HAT1: variants seen among roughly 807,000 people sequenced by gnomAD.
HAT1 encodes the protein histone acetyltransferase 1.
Under a neutral mutation model 56.6 loss-of-function variants are expected in HAT1, and 20 were observed. The observed-to-expected ratio is 0.35, with a 90% CI of 0.25 to 0.51. The LOEUF (loss-of-function observed/expected upper bound fraction) is 0.51. HAT1 is among the 20% of genes least tolerant of loss of function. The pLI is 0.95. For synonymous variants in HAT1, 146 were observed against 165.5 expected (o/e 0.88, Z 0.91); for missense variants, 408 against 504.3 (o/e 0.81, Z 1.83).
chr2:171,974,381 T>C (rs1470683195), intron 8 of HAT1, among the ~76,000 whole-genome samples: 4 of 152,142 alleles, frequency 2.6e-5, no homozygotes, highest in African/African-American at 9.7e-5. Context: ...TTTTGGATCA[T>C]TGATTGTTTT....
At chr2:171,977,554 T>A (rs1197661618) in intron 9 of HAT1, among the ~76,000 whole-genome samples, 20 of 20,584 alleles carry the variant, frequency 9.7e-4, no homozygotes, top group African/African-American at 4.8e-3. Flanking sequence ...TATATATATA[T>A]ATATTTTTTT....
chr2:171,976,277 T>C lies in HAT1; in HGVS notation c.944T>C (p.Ile315Thr). Residue 315 changes from isoleucine to threonine, a missense_variant, in exon 9 of 11, where the codon ATA (isoleucine) becomes ACA (threonine). By Grantham distance (89) the Ile-to-Thr change is moderately conservative (BLOSUM62 -1). Coordinates refer to ENST00000264108, the MANE Select transcript of HAT1 (RefSeq NM_003642.4). The part of the protein sequence containing the change: ...LMQGFNEDMV[I>T]EAQQKFKINK... ...CAAGGATTCAATGAAGATATGGTGA[T>C]AGAGGCACAACAGAAGTTCAAAATA... The C allele has an allele frequency of 1.9e-6, 3 of 1,585,204 alleles. No homozygotes were observed. The highest frequency in any genetic ancestry group is 1.3e-5 in the African/African-American group (1 of 74,372).
chr2:171,952,400 A>G (rs1458259162), intron 3 of HAT1, among the ~76,000 whole-genome samples: 2 of 152,222 alleles, frequency 1.3e-5, no homozygotes, highest in African/African-American at 4.8e-5. Context: ...TTCATAGAGC[A>G]GTTTACATGT....
intron 5 of HAT1, 109 bp downstream of exon 5, chr2:171,965,626 G>T: frequency 1.0e-6 from 1 of 982,060 alleles, no homozygotes; most frequent in Non-Finnish European, 1.5e-6. Context: ...GTTTTAATCA[G>T]CATTATAAAC....
At chr2:171,923,221 C>T (rs1225312975) in intron 1 of HAT1, 1 of 152,146 alleles carries the variant, frequency 6.6e-6, no homozygotes, top group Non-Finnish European at 1.5e-5. Flanking sequence ...TGTATTAAGG[C>T]TGTTTTGGTG....
At chr2:171,942,130 C>G (rs1312156153) in intron 2 of HAT1, among the ~76,000 whole-genome samples, 1 of 152,200 alleles carries the variant, frequency 6.6e-6, no homozygotes, top group African/African-American at 2.4e-5. Context: ...GTCTTGAACT[C>G]CTGACCTCAG....
intron 2 of HAT1, among the ~76,000 whole-genome samples, chr2:171,945,685 T>C (rs1687145155): frequency 6.6e-6 from 1 of 151,796 alleles, no homozygotes; most frequent in African/African-American, 2.4e-5. Context: ...ATTTATTTTT[T>C]TGAGAGAGAG....
chr2:171,982,281 T>C (rs1688151298), intron 10 of HAT1, among the ~76,000 whole-genome samples: 1 of 152,184 alleles, frequency 6.6e-6, no homozygotes, highest in Non-Finnish European at 1.5e-5. Context: ...GGTGGATCAC[T>C]TGGGCCCAGG....
intron 3 of HAT1, among the ~76,000 whole-genome samples, chr2:171,947,899 G>T (rs1200933175): frequency 6.6e-6 from 1 of 151,914 alleles, no homozygotes; most frequent in African/African-American, 2.4e-5. Context: ...ACAAAATAAA[G>T]ATATGTCCCA....
chr2:171,966,362 G>C (rs542668305), intron 6 of HAT1, 47 bp from the exon 7 acceptor site: 8 of 931,546 alleles, frequency 8.6e-6, no homozygotes, highest in Non-Finnish European at 1.4e-5. Flanking sequence ...ACACTGCATG[G>C]GAGCGCGACT....
intron 2 of HAT1, among the ~76,000 whole-genome samples, chr2:171,928,170 C>G (rs922602665): frequency 1.3e-5 from 2 of 152,180 alleles, no homozygotes; most frequent in Non-Finnish European, 2.9e-5. Context: ...CAGGCATGAG[C>G]CACCACCCCC....
chr2:171,926,176 G>T (rs560051638), intron 2 of HAT1, among the ~76,000 whole-genome samples: 1 of 151,716 alleles, frequency 6.6e-6, no homozygotes, highest in Admixed American at 6.6e-5. Flanking sequence ...GTAGTGCCAC[G>T]GCATGGTCAT....
intron 4 of HAT1, among the ~76,000 whole-genome samples, chr2:171,956,515 A>AAAACAAAC (rs142502817): frequency 5.7e-4 from 86 of 152,072 alleles, no homozygotes; most frequent in African/African-American, 1.6e-3. Context: ...TTGTCTCCAA[A>AAAACAAAC]AAACAAACAA....
intron 10 of HAT1, among the ~76,000 whole-genome samples, chr2:171,982,604 A>C (rs1688159840): frequency 6.6e-6 from 1 of 152,206 alleles, no homozygotes; most frequent in African/African-American, 2.4e-5. Context: ...TCCTAAGTCA[A>C]ACCAGGAGGG....
chr2:171,960,845 A>G (rs568949454), intron 4 of HAT1, among the ~76,000 whole-genome samples: 20 of 151,520 alleles, frequency 1.3e-4, no homozygotes, highest in Non-Finnish European at 2.5e-4. Context: ...GACCCTGCCT[A>G]TTAAAAAAAA....
intron 8 of HAT1, among the ~76,000 whole-genome samples, chr2:171,974,930 G>T (rs1687922057): frequency 6.6e-6 from 1 of 151,798 alleles, no homozygotes; most frequent in Non-Finnish European, 1.5e-5. Context: ...ATTTAGTTCT[G>T]GTATGTAATT....
intron 4 of HAT1, among the ~76,000 whole-genome samples, chr2:171,959,795 T>C (rs1460470104): frequency 6.6e-6 from 1 of 152,134 alleles, no homozygotes; most frequent in Non-Finnish European, 1.5e-5. Flanking sequence ...GTAAACAAAA[T>C]AGTAAATACA....
At chr2:171,934,081 G>A (rs942843965) in intron 2 of HAT1, among the ~76,000 whole-genome samples, 19 of 152,130 alleles carry the variant, frequency 1.2e-4, no homozygotes, top group African/African-American at 3.6e-4. Flanking sequence ...GACTTCCTAT[G>A]TCTTCTTGGT....
chr2:171,922,657 A>T (rs1686468842), intron 1 of HAT1, 150 bp downstream of exon 1: 1 of 556,408 alleles, frequency 1.8e-6, no homozygotes, highest in African/African-American at 1.9e-5. Context: ...CGGAACTCTC[A>T]GCCCAGCAGC....
Sources: gnomAD v4.1 joint callset for allele counts (sites outside exome capture counted in the v4.1 genomes callset) on GRCh38, gnomAD v4.1.1 for gene constraint, MANE v1.5 for transcripts, NCBI Gene and HGNC (gene_info 2026-07-23, HGNC 2026-07-21) for gene names.